FCHSD2: variants seen among roughly 807,000 people sequenced by gnomAD.
The protein encoded by FCHSD2 is F-BAR and double SH3 domains protein 2.
In FCHSD2, 38 loss-of-function variants were observed where a neutral mutation model predicts 108.1. The ratio of observed to expected loss-of-function variants is 0.35; its 90% confidence interval spans 0.27 to 0.46. FCHSD2 has a LOEUF of 0.46. Ranked by LOEUF, FCHSD2 falls within the 20% of genes least tolerant of loss-of-function variation. FCHSD2 has a pLI of 1.00. For missense variants in FCHSD2, 751 were observed against 897.8 expected (o/e 0.84, Z 2.09); for synonymous variants, 279 against 314.7 (o/e 0.89, Z 1.20).
chr11:72,912,009 CA>C (rs1472698707), intron 9 of FCHSD2, among the ~76,000 whole-genome samples: 1 of 152,196 alleles, frequency 6.6e-6, no homozygotes, highest in African/African-American at 2.4e-5. Context: ...TTGTATCCTG[CA>C]ACTTTACTAA....
intron 12 of FCHSD2, among the ~76,000 whole-genome samples, chr11:72,870,676 A>G (rs1854835242): frequency 6.6e-6 from 1 of 151,564 alleles, no homozygotes. Flanking sequence ...CGAGGGGGGC[A>G]GATCACGAGG....
rs561909510 is a variant in FCHSD2 at position 72,954,951 on chromosome 11, A to C, written c.705+29137T>G. Among the ~76,000 whole-genome samples, 10 of 152,268 alleles carry C rather than the reference A, an allele frequency of 6.6e-5. 1 individual carries two copies. In the East Asian group the frequency reaches 1.9e-3, roughly 29 times the overall value. On this transcript the variant is annotated intron_variant, in intron 8 of 19. Coordinates refer to ENST00000409418, the MANE Select transcript of FCHSD2 (RefSeq NM_014824.3). The stretch of plus-strand genomic sequence containing the variant: ...ATGTAATAAAGATAGGAAAAAACTG[A>C]AGTGCTTTTTCTACCCTCACTCACC...
intron 9 of FCHSD2, among the ~76,000 whole-genome samples, chr11:72,920,483 G>A (rs940928386): frequency 2.0e-5 from 3 of 152,200 alleles, no homozygotes; most frequent in African/African-American, 7.2e-5. Flanking sequence ...GCTCATGCCT[G>A]TAATCCCAGC....
chr11:73,025,892 T>C (rs938674480), intron 3 of FCHSD2, among the ~76,000 whole-genome samples: 5 of 152,160 alleles, frequency 3.3e-5, no homozygotes, highest in Non-Finnish European at 7.4e-5. Context: ...CATATACCAG[T>C]AGGTATGTGT....
At chr11:73,104,282 A>G (rs1485116681) in intron 2 of FCHSD2, among the ~76,000 whole-genome samples, 1 of 152,244 alleles carries the variant, frequency 6.6e-6, no homozygotes, top group Non-Finnish European at 1.5e-5. Flanking sequence ...TTATTTATTT[A>G]TGGAGACAGA....
At chr11:72,925,829 G>A (rs1488908765) in intron 8 of FCHSD2, among the ~76,000 whole-genome samples, 2 of 152,156 alleles carry the variant, frequency 1.3e-5, no homozygotes, top group Non-Finnish European at 2.9e-5. Context: ...GAGTTGGGAC[G>A]GGAGCTGCCC....
intron 10 of FCHSD2, 92 bp from the exon 11 acceptor site, chr11:72,890,037 T>C: frequency 6.8e-6 from 5 of 739,300 alleles, no homozygotes; most frequent in South Asian, 1.6e-5. Flanking sequence ...CTTCACTTAA[T>C]CAGCACTCAA....
In FCHSD2 at chr11:72,985,383, C is replaced by CA. The variant is rs916068835; in HGVS notation, c.522-268dup. On this transcript the variant is annotated intron_variant, in intron 6 of 19. Transcript: ENST00000409418. Reference sequence around the variant, plus strand: ...AAAAAAAAAAAAAAAAAAACTTGACCAAAAAAAAATCAAAATATATTGGTG... The same window carrying CA: ...AAAAAAAAAAAAAAAAAAACTTGACCAAAAAAAAAATCAAAATATATTGGTG... 3.3e-3 allele frequency among the ~76,000 whole-genome samples: 474 copies of CA among 142,298 alleles called. 3 individuals carry two copies. Among genetic ancestry groups the CA allele is most frequent in the African/African-American group, 0.012 (457 of 38,704 alleles). 93.4% of individuals were successfully genotyped at this position (142,298 alleles called of 152,430 possible). A position where few individuals can be genotyped will look rare whatever the true frequency, so the allele number is the denominator to read the frequency against.
rs191718941 is a variant in FCHSD2 at position 72,989,225 on chromosome 11, T to C, written c.388-128A>G. On this transcript the variant is annotated intron_variant, in intron 5 of 19. Transcript: ENST00000409418. ...AGGGGAAAAGTCAGTACGTTCAGTG[T>C]CCTTCAAATTGCAGATTAAAATCCT... is the stretch of plus-strand genomic sequence containing the variant. 573 of 605,080 alleles carry C rather than the reference T, an allele frequency of 9.5e-4. 2 individuals are homozygous for C. Among genetic ancestry groups the C allele is most frequent in the Non-Finnish European group, 7.2e-4 (259 of 361,668 alleles). 37.5% of individuals were successfully genotyped at this position (605,080 alleles called of 1,614,324 possible).
chr11:72,907,482 ACT>A (rs879345151), intron 9 of FCHSD2, among the ~76,000 whole-genome samples: 57 of 151,188 alleles, frequency 3.8e-4, no homozygotes, highest in African/African-American at 1.3e-3. Context: ...GTCATAAATA[ACT>A]CTTATTATTT....
At chr11:72,995,315 T>C (rs1857499978) in intron 5 of FCHSD2, among the ~76,000 whole-genome samples, 1 of 152,098 alleles carries the variant, frequency 6.6e-6, no homozygotes, top group Non-Finnish European at 1.5e-5. Flanking sequence ...AACCTGACAC[T>C]CCCATAAAGA....
Position 72,942,993 on chromosome 11 carries a change from A to G in FCHSD2, c.706-21043T>C, listed in dbSNP as rs1217256297. ...CTGGCTAAATCACAAATTCATTAAT[A>G]CTGACTTTTTCTTTTGAGACAGAGT... On this transcript the variant is annotated intron_variant, in intron 8 of 19. Coordinates refer to ENST00000409418, the MANE Select transcript of FCHSD2 (RefSeq NM_014824.3). Among the ~76,000 whole-genome samples, 3 of 151,796 alleles carry G rather than the reference A, an allele frequency of 2.0e-5. No individual in the cohort carries two copies. The East Asian group carries it at 5.8e-4, about 29-fold the overall frequency.
intron 8 of FCHSD2, among the ~76,000 whole-genome samples, chr11:72,975,992 T>C (rs913344181): frequency 3.3e-5 from 5 of 152,226 alleles, no homozygotes; most frequent in Admixed American, 6.5e-5. Context: ...TTAGTTCATA[T>C]ATTGCACAAG....
intron 14 of FCHSD2, among the ~76,000 whole-genome samples, chr11:72,847,186 C>A (rs1334731465): frequency 6.6e-6 from 1 of 152,070 alleles, no homozygotes. Flanking sequence ...TCTGTAGAGA[C>A]CAGGTTTTTC....
In FCHSD2 at chr11:72,926,218, CAGACT is replaced by C. The variant is rs575615047; in HGVS notation, c.706-4273_706-4269del. ...ACTGGGGGCTGGACTGCCAGTCCAG[CAGACT>C]AGAGTGGGGACTGGTGGTGCCTCTT... On this transcript the variant is annotated intron_variant, in intron 8 of 19. Transcript: ENST00000409418. Among the ~76,000 whole-genome samples the C allele has an allele frequency of 8.5e-5, 13 of 152,216 alleles. No homozygotes were observed. In the East Asian group the frequency reaches 2.5e-3, roughly 30 times the overall value.
chr11:72,858,737 A>G (rs894404419), intron 13 of FCHSD2, among the ~76,000 whole-genome samples: 1 of 152,246 alleles, frequency 6.6e-6, no homozygotes, highest in Non-Finnish European at 1.5e-5. Flanking sequence ...CTATGTAACA[A>G]ACCTGCAATT....
chr11:73,000,336 A>G (rs973758377), intron 5 of FCHSD2, among the ~76,000 whole-genome samples: 1 of 152,188 alleles, frequency 6.6e-6, no homozygotes, highest in Non-Finnish European at 1.5e-5. Context: ...GTATAATGAT[A>G]ATCTCAATTT....
chr11:72,838,934 C>T (rs1392450143), intron 19 of FCHSD2, 60 bp from the exon 20 acceptor site: 15 of 1,455,896 alleles, frequency 1.0e-5, no homozygotes, highest in African/African-American at 1.4e-5. Context: ...TCTGAAGCAT[C>T]CCCAAAACCT....
chr11:73,138,305 T>A (rs777104946), intron 2 of FCHSD2, among the ~76,000 whole-genome samples: 2 of 152,218 alleles, frequency 1.3e-5, no homozygotes, highest in Non-Finnish European at 2.9e-5. Flanking sequence ...CAGGACTGTC[T>A]GACTGCAGTG....
Sources: gnomAD v4.1 joint callset for allele counts (sites outside exome capture counted in the v4.1 genomes callset) on GRCh38, gnomAD v4.1.1 for gene constraint, MANE v1.5 for transcripts, NCBI Gene and HGNC (gene_info 2026-07-23, HGNC 2026-07-21) for gene names.